LMNTD1: variants seen among roughly 807,000 people sequenced by gnomAD.
The protein encoded by LMNTD1 is lamin tail domain containing 1.
A neutral mutation model predicts 50.9 loss-of-function variants in LMNTD1; 35 were observed. That is an observed-to-expected ratio of 0.69 (90% CI 0.53 to 0.91). The LOEUF (loss-of-function observed/expected upper bound fraction) is 0.91. Among genes scored for constraint, LMNTD1 ranks in the 40% least tolerant of loss-of-function variants. The pLI, the probability that LMNTD1 is intolerant of heterozygous loss-of-function variation, is 0.00. For synonymous variants in LMNTD1, 153 were observed against 161.9 expected (o/e 0.94, Z 0.42); for missense variants, 470 against 475.5 (o/e 0.99, Z 0.11).
intron 1 of LMNTD1, among the ~76,000 whole-genome samples, chr12:25,602,916 A>G (rs1946011227): frequency 6.6e-6 from 1 of 152,156 alleles, no homozygotes; most frequent in South Asian, 2.1e-4. Context: ...ATTTTGTACA[A>G]TGCACGTTTC....
intron 1 of LMNTD1, among the ~76,000 whole-genome samples, chr12:25,636,034 A>G (rs1184739741): frequency 3.9e-5 from 6 of 152,156 alleles, no homozygotes; most frequent in Non-Finnish European, 8.8e-5. Flanking sequence ...AAAAATTCTA[A>G]AAGATAACTT....
chr12:25,639,571 T>G (rs528132189), intron 1 of LMNTD1, among the ~76,000 whole-genome samples: 1 of 152,266 alleles, frequency 6.6e-6, no homozygotes, highest in African/African-American at 2.4e-5. Context: ...CATTAATCAT[T>G]AGGGGAATGG....
At chr12:25,629,807 A>G (rs1379619252) in intron 1 of LMNTD1, among the ~76,000 whole-genome samples, 1 of 152,152 alleles carries the variant, frequency 6.6e-6, no homozygotes, top group African/African-American at 2.4e-5. Context: ...TAACAGAGAG[A>G]AAGAAAAATA....
At chr12:25,552,797 A>T in intron 2 of LMNTD1, 74 bp downstream of exon 2, 1 of 857,024 alleles carries the variant, frequency 1.2e-6, no homozygotes, top group Non-Finnish European at 1.9e-6. Flanking sequence ...GAAACAAAAG[A>T]GGTCAAGCAT....
At chr12:25,645,415 G>A (rs1441884175) in intron 1 of LMNTD1, among the ~76,000 whole-genome samples, 1 of 152,028 alleles carries the variant, frequency 6.6e-6, no homozygotes, top group Non-Finnish European at 1.5e-5. Context: ...AAGGAGAGGT[G>A]GTTGTGACCA....
intron 3 of LMNTD1, among the ~76,000 whole-genome samples, chr12:25,547,702 C>T (rs1023207700): frequency 7.9e-5 from 12 of 151,734 alleles, no homozygotes; most frequent in Admixed American, 7.2e-4. Context: ...TCCTTAAATT[C>T]CTTTGGGGAA....
chr12:25,647,870 A>T (rs1420501390), intron 1 of LMNTD1, among the ~76,000 whole-genome samples: 15 of 152,234 alleles, frequency 9.9e-5, no homozygotes, highest in African/African-American at 3.6e-4. Flanking sequence ...GGAACTGTCA[A>T]ATAACGTTCA....
At chr12:25,503,822 T>TA in intron 8 of LMNTD1, 22 bp from the exon 9 acceptor site, 7 of 1,449,876 alleles carry the variant, frequency 4.8e-6, no homozygotes, top group South Asian at 2.5e-5. Context: ...AAAAAATAAT[T>TA]AAAAAAAGGA....
chr12:25,577,252 G>A (rs1164925377), intron 1 of LMNTD1, among the ~76,000 whole-genome samples: 1 of 152,176 alleles, frequency 6.6e-6, no homozygotes, highest in African/African-American at 2.4e-5. Flanking sequence ...GCTTGATGGG[G>A]ATGGCATTGA....
chr12:25,519,385 G>T (rs1409432708), intron 7 of LMNTD1, among the ~76,000 whole-genome samples: 3 of 127,424 alleles, frequency 2.4e-5, no homozygotes, highest in Non-Finnish European at 5.3e-5. Context: ...AGGAGATCGA[G>T]ACCATCCTGG....
At chr12:25,517,585 T>C (rs1405484213) in intron 8 of LMNTD1, among the ~76,000 whole-genome samples, 1 of 103,800 alleles carries the variant, frequency 9.6e-6, no homozygotes, top group Non-Finnish European at 2.0e-5. Context: ...GAGGGATAGT[T>C]TTAGGAGATA....
intron 9 of LMNTD1, among the ~76,000 whole-genome samples, chr12:25,487,210 ATCTG>A (rs1271273993): frequency 7.9e-6 from 1 of 126,684 alleles, no homozygotes; most frequent in South Asian, 3.2e-4. Flanking sequence ...TGTCTCGTTG[ATCTG>A]TCTAATGTTG....
At chr12:25,559,511 T>C (rs1944197989) in intron 1 of LMNTD1, among the ~76,000 whole-genome samples, 6 of 152,216 alleles carry the variant, frequency 3.9e-5, no homozygotes, top group Admixed American at 3.9e-4. Flanking sequence ...AACATGTGTG[T>C]GCATGTGTCA....
intron 1 of LMNTD1, among the ~76,000 whole-genome samples, chr12:25,626,292 C>T (rs1946586614): frequency 1.3e-5 from 2 of 151,850 alleles, no homozygotes; most frequent in African/African-American, 4.8e-5. Context: ...AATTAACAGA[C>T]CTGAATATTC....
intron 1 of LMNTD1, among the ~76,000 whole-genome samples, chr12:25,581,790 C>T (rs946942924): frequency 1.3e-5 from 2 of 152,164 alleles, no homozygotes; most frequent in Non-Finnish European, 1.5e-5. Context: ...TAGCCTATTG[C>T]CCCTAGGCTA....
At chr12:25,640,627 T>C (rs1428516089) in intron 1 of LMNTD1, among the ~76,000 whole-genome samples, 1 of 152,166 alleles carries the variant, frequency 6.6e-6, no homozygotes. Flanking sequence ...GACATTACAA[T>C]TGTAATAAAA....
At chr12:25,542,544 G>A (rs185983048) in intron 4 of LMNTD1, among the ~76,000 whole-genome samples, 16 of 134,842 alleles carry the variant, frequency 1.2e-4, no homozygotes, top group Admixed American at 7.4e-4. Context: ...ACACAGGAAG[G>A]GGAACATTAC....
rs748249802 is a variant in LMNTD1 at position 25,526,821 on chromosome 12, G to T, written c.626C>A (p.Ser209Tyr). The T allele has an allele frequency of 6.2e-7, 1 of 1,612,666 alleles. No homozygotes were observed. The highest frequency in any genetic ancestry group is 1.3e-5 in the African/African-American group (1 of 74,884). Residue 209 changes from serine (S) to tyrosine (Y), a missense_variant, in exon 5 of 10, where the codon TCT becomes TAT. Physicochemically the swap from Ser to Tyr is moderately radical, Grantham distance 144 (BLOSUM62 -2). Transcript: ENST00000458174. ...LQQNVNGQTISLYRFLPNIVM... is the reference protein window; with the variant it reads ...LQQNVNGQTIYLYRFLPNIVM... ...GATGTTTGGAAGGAATCGGTACAAA[G>T]AAATGGTTTGTCCATTCACATTTTG...
chr12:25,514,658 G>A (rs1380246961), intron 8 of LMNTD1, among the ~76,000 whole-genome samples: 2 of 152,076 alleles, frequency 1.3e-5, no homozygotes, highest in Non-Finnish European at 2.9e-5. Flanking sequence ...AAACTAACTT[G>A]AAGGGTGTAA....
Sources: gnomAD v4.1 joint callset for allele counts (sites outside exome capture counted in the v4.1 genomes callset) on GRCh38, gnomAD v4.1.1 for gene constraint, MANE v1.5 for transcripts, NCBI Gene and HGNC (gene_info 2026-07-23, HGNC 2026-07-21) for gene names.